SYTL3: variants seen among roughly 807,000 people sequenced by gnomAD.
SYTL3 encodes synaptotagmin like 3, also known as synaptotagmin-like protein 3.
Under a neutral mutation model 82.1 loss-of-function variants are expected in SYTL3, and 88 were observed. That is an observed-to-expected ratio of 1.07 (90% CI 0.90 to 1.28). SYTL3 has a LOEUF of 1.28. Ranked by LOEUF, SYTL3 falls within the 50% of genes most tolerant of loss-of-function variation. The pLI, the probability that SYTL3 is intolerant of heterozygous loss-of-function variation, is 0.00. For synonymous variants in SYTL3, 311 were observed against 289.4 expected (o/e 1.07, Z -0.76); for missense variants, 831 against 757.6 (o/e 1.10, Z -1.14).
At chr6:158,748,173 T>G (rs1475417467) in intron 12 of SYTL3, among the ~76,000 whole-genome samples, 1 of 152,140 alleles carries the variant, frequency 6.6e-6, no homozygotes, top group Non-Finnish European at 1.5e-5. Context: ...TTGCCTTTCT[T>G]TTTTCTTACA....
At chr6:158,758,016 C>T (rs141269005) in intron 14 of SYTL3, among the ~76,000 whole-genome samples, 112 of 151,998 alleles carry the variant, frequency 7.4e-4, no homozygotes, top group African/African-American at 2.6e-3. Context: ...GGAGGAGAGG[C>T]CTGGGAGAGA....
At chr6:158,748,624 C>A (rs1787962809) in intron 12 of SYTL3, among the ~76,000 whole-genome samples, 1 of 152,186 alleles carries the variant, frequency 6.6e-6, no homozygotes, top group Non-Finnish European at 1.5e-5. Flanking sequence ...GCAGGTGAAT[C>A]ACCTGAGGTC....
In SYTL3 at chr6:158,746,450, A is replaced by ATTATTATTATTATTATTAT. The variant is rs1554263734; in HGVS notation, c.1034+793_1034+794insTATTATTATTATTATTATT. On this transcript the variant is annotated intron_variant, in intron 12 of 17. Transcript: ENST00000611299. ...AAGGTGTAGCACCATTATAATAATA[A>ATTATTATTATTATTATTAT]TAATAATAATATTATTATTATTATT... 1.6e-3 allele frequency among the ~76,000 whole-genome samples: 102 copies of ATTATTATTATTATTATTAT among 63,678 alleles called. 1 individual carries two copies. The highest frequency in any genetic ancestry group is 3.1e-3 in the South Asian group (7 of 2,268). The allele number at this position is 63,678 out of a possible 152,430, so 41.8% of individuals were successfully genotyped here. A position where few individuals can be genotyped will look rare whatever the true frequency, so the allele number is the denominator to read the frequency against.
At position 158,758,652 on chromosome 6, in the gene SYTL3, G is replaced by A. The variant is rs185442595; in HGVS notation, c.1308+1271G>A. 2.3e-3 allele frequency among the ~76,000 whole-genome samples: 357 copies of A among 152,122 alleles called. 1 individual carries two copies. The highest frequency in any genetic ancestry group is 8.3e-3 in the African/African-American group (343 of 41,508). On this transcript the variant is annotated intron_variant, in intron 14 of 17. Transcript: ENST00000611299. The stretch of plus-strand genomic sequence containing the variant: ...CTGGTGAGCCACCTGCCCCCTCCCT[G>A]CTCCTCCAGGCAATGCCCACTCTCC...
chr6:158,665,365 T>C (rs1789911171), intron 4 of SYTL3, 30 bp from the exon 5 acceptor site: 1 of 1,553,576 alleles, frequency 6.4e-7, no homozygotes, highest in Non-Finnish European at 8.7e-7. Flanking sequence ...TTCCATCTAA[T>C]ACTATCTTCT....
intron 4 of SYTL3, among the ~76,000 whole-genome samples, chr6:158,663,901 C>G (rs183665455): frequency 2.6e-5 from 4 of 152,068 alleles, no homozygotes; most frequent in African/African-American, 9.7e-5. Flanking sequence ...AAATATGAAC[C>G]TGCTTAGCCT....
intron 8 of SYTL3, 51 bp from the exon 9 acceptor site, chr6:158,713,749 A>G: frequency 7.2e-7 from 1 of 1,390,814 alleles, no homozygotes; most frequent in Non-Finnish European, 1.0e-6. Flanking sequence ...GCTGAGGCAA[A>G]CACAAGTCAT....
chr6:158,752,032 TAC>T lies in SYTL3; in HGVS notation c.1137+3_1137+4del. The T allele has an allele frequency of 6.3e-7, 1 of 1,590,912 alleles. No homozygotes were observed. Among genetic ancestry groups the T allele is most frequent in the Non-Finnish European group, 8.5e-7 (1 of 1,170,968 alleles). Reference sequence around the variant, plus strand: ...CCGACCTTTCAGGAGACCTTGAAGGTACTTGCTGGACAGATATTCCTGTGCAG... The same window carrying T: ...CCGACCTTTCAGGAGACCTTGAAGGTTTGCTGGACAGATATTCCTGTGCAG... On this transcript the variant is annotated splice_donor_region_variant and intron_variant, in intron 13 of 17. Transcript: ENST00000611299.
chr6:158,751,012 T>G (rs925321841), intron 12 of SYTL3, among the ~76,000 whole-genome samples: 2 of 152,086 alleles, frequency 1.3e-5, no homozygotes, highest in Admixed American at 6.5e-5. Context: ...GCCAGGCTGG[T>G]CTGGAACTCC....
At chr6:158,753,364 G>A (rs987305794) in intron 13 of SYTL3, among the ~76,000 whole-genome samples, 1 of 151,868 alleles carries the variant, frequency 6.6e-6, no homozygotes, top group Non-Finnish European at 1.5e-5. Context: ...TTACAGGCTT[G>A]AGCCACCACG....
At chr6:158,670,351 GAA>G (rs1777225460) in intron 5 of SYTL3, among the ~76,000 whole-genome samples, 1 of 152,232 alleles carries the variant, frequency 6.6e-6, no homozygotes, top group Admixed American at 6.5e-5. Flanking sequence ...AGATTGAAAA[GAA>G]ATTGAATGCC....
intron 6 of SYTL3, among the ~76,000 whole-genome samples, chr6:158,705,829 C>G (rs1047254887): frequency 1.3e-5 from 2 of 152,062 alleles, no homozygotes; most frequent in African/African-American, 4.8e-5. Flanking sequence ...GACAGGAGCA[C>G]CCTGTGGTAT....
chr6:158,762,301 T>C (rs1162942327), intron 16 of SYTL3, 123 bp downstream of exon 16: 2 of 694,214 alleles, frequency 2.9e-6, no homozygotes, highest in African/African-American at 1.8e-5. Flanking sequence ...AGCTTTCCTA[T>C]GAAAATCTAA....
At chr6:158,647,947 G>C (rs997082696), upstream of SYTL3, among the ~76,000 whole-genome samples, 2 of 152,184 alleles carry the variant, frequency 1.3e-5, no homozygotes, top group African/African-American at 4.8e-5. Flanking sequence ...GCAAGTGTGG[G>C]CCTAATAATC....
chr6:158,692,988 G>A (rs995418213), intron 6 of SYTL3, among the ~76,000 whole-genome samples: 1 of 151,850 alleles, frequency 6.6e-6, no homozygotes, highest in African/African-American at 2.4e-5. Flanking sequence ...CAGTCAATAC[G>A]TAGCTGACTC....
At chr6:158,745,407 T>G in intron 11 of SYTL3, 73 bp from the exon 12 acceptor site, 1 of 1,304,240 alleles carries the variant, frequency 7.7e-7, no homozygotes, top group Admixed American at 2.3e-5. Context: ...ATTTATGTGC[T>G]GTCTTGAAAC....
At chr6:158,708,441 G>A in intron 8 of SYTL3, 50 bp downstream of exon 8, 1 of 1,555,766 alleles carries the variant, frequency 6.4e-7, no homozygotes, top group Non-Finnish European at 8.9e-7. Flanking sequence ...GGGGATAGAA[G>A]GAGAGGAAGC....
At chr6:158,739,069 G>C (rs1266385217) in intron 11 of SYTL3, among the ~76,000 whole-genome samples, 1 of 152,170 alleles carries the variant, frequency 6.6e-6, no homozygotes. Context: ...GTCTCTTCCT[G>C]CCCTTCTGTA....
intron 5 of SYTL3, among the ~76,000 whole-genome samples, chr6:158,680,189 A>G (rs756051954): frequency 6.6e-6 from 1 of 152,176 alleles, no homozygotes; most frequent in Non-Finnish European, 1.5e-5. Context: ...AGCCCTTCAA[A>G]GGCATGGGAA....
Sources: gnomAD v4.1 joint callset for allele counts (sites outside exome capture counted in the v4.1 genomes callset) on GRCh38, gnomAD v4.1.1 for gene constraint, MANE v1.5 for transcripts, NCBI Gene and HGNC (gene_info 2026-07-23, HGNC 2026-07-21) for gene names.